LRRC63: variants seen among roughly 807,000 people sequenced by gnomAD.
LRRC63 encodes the protein leucine rich repeat containing 63.
Under a neutral mutation model 49.5 loss-of-function variants are expected in LRRC63, and 40 were observed. The ratio of observed to expected loss-of-function variants is 0.81; its 90% confidence interval spans 0.63 to 1.05. The LOEUF (loss-of-function observed/expected upper bound fraction) is 1.05, where lower values mean the gene tolerates loss of function less well. Among genes scored for constraint, LRRC63 ranks in the 50% least tolerant of loss-of-function variants. LRRC63 has a pLI of 0.00. For synonymous variants in LRRC63, 191 were observed against 221.1 expected (o/e 0.86, Z 1.21); for missense variants, 636 against 663.1 (o/e 0.96, Z 0.45).
At chr13:46,236,952 A>T (rs1388820688) in intron 5 of LRRC63, among the ~76,000 whole-genome samples, 1 of 152,188 alleles carries the variant, frequency 6.6e-6, no homozygotes, top group African/African-American at 2.4e-5. Context: ...TTTGTGTGCC[A>T]TTGGAGTTAA....
chr13:46,266,945 C>A, exon 9 of LRRC63: 1 of 1,542,426 alleles, frequency 6.5e-7, no homozygotes. Context: ...GATAAGATCC[C>A]AGTAGAAGTT....
chr13:46,228,966 G>A (rs2046661928), intron 4 of LRRC63, among the ~76,000 whole-genome samples: 1 of 152,108 alleles, frequency 6.6e-6, no homozygotes, highest in African/African-American at 2.4e-5. Flanking sequence ...CTCGTAATCT[G>A]GGTGGGGTGG....
intron 4 of LRRC63, among the ~76,000 whole-genome samples, chr13:46,232,722 A>T (rs985402760): frequency 7.2e-5 from 11 of 152,180 alleles, no homozygotes; most frequent in African/African-American, 2.2e-4. Context: ...CATTAAATTT[A>T]AAAAATTACA....
intron 5 of LRRC63, among the ~76,000 whole-genome samples, chr13:46,246,141 T>TC (rs1307193706): frequency 6.6e-6 from 1 of 152,012 alleles, no homozygotes; most frequent in East Asian, 1.9e-4. Flanking sequence ...TAAGACCGCT[T>TC]CCCCCTTCAC....
intron 5 of LRRC63, among the ~76,000 whole-genome samples, chr13:46,244,249 G>T (rs1213227956): frequency 5.9e-5 from 9 of 152,050 alleles, no homozygotes. Context: ...TATATCTATT[G>T]TAAGGTTCTT....
intron 5 of LRRC63, 143 bp downstream of exon 5, chr13:46,234,492 G>A (rs1230450): frequency 0.3 from 217,848 of 736,554 alleles, 35,414 homozygotes; most frequent in African/African-American, 0.44. Flanking sequence ...CATTCAAATT[G>A]CATCTCTAAA....
chr13:46,255,645 A>AAAAAAAAAAAAAATATATATAT (rs1555328641), intron 7 of LRRC63, among the ~76,000 whole-genome samples: 19 of 129,456 alleles, frequency 1.5e-4, no homozygotes, highest in African/African-American at 4.9e-4. Flanking sequence ...CCCTGCCTCA[A>AAAAAAAAAAAAAATATATATAT]ATATATATAT....
chr13:46,220,480 A>G (rs537877497), intron 2 of LRRC63, among the ~76,000 whole-genome samples: 77 of 152,182 alleles, frequency 5.1e-4, no homozygotes, highest in African/African-American at 1.9e-3. Context: ...TCCCAGGTCG[A>G]CTTCAGACTG....
At chr13:46,238,143 G>C (rs1054125668) in intron 5 of LRRC63, among the ~76,000 whole-genome samples, 1 of 152,194 alleles carries the variant, frequency 6.6e-6, no homozygotes. Flanking sequence ...GGAGCAGCCA[G>C]ATTCATAAAG....
At chr13:46,216,958 C>T (rs530643178) in intron 2 of LRRC63, among the ~76,000 whole-genome samples, 3 of 152,188 alleles carry the variant, frequency 2.0e-5, no homozygotes, top group South Asian at 2.1e-4. Context: ...GGGATGAAGC[C>T]GACTTGATTG....
intron 4 of LRRC63, among the ~76,000 whole-genome samples, chr13:46,233,847 C>A (rs77705896): frequency 0.051 from 7,803 of 152,222 alleles, 408 homozygotes; most frequent in African/African-American, 0.14. Context: ...CCAAGAAGTT[C>A]TTTATGTAAT....
intron 9 of LRRC63, among the ~76,000 whole-genome samples, chr13:46,269,897 C>T (rs1034033853): frequency 8.7e-6 from 1 of 115,432 alleles, no homozygotes; most frequent in African/African-American, 2.9e-5. Context: ...ATATAGTAGA[C>T]ACTATATACA....
chr13:46,264,716 C>T (rs1278598977), intron 8 of LRRC63, among the ~76,000 whole-genome samples: 2 of 150,098 alleles, frequency 1.3e-5, no homozygotes, highest in Non-Finnish European at 2.9e-5. Context: ...CTTCTGGCCA[C>T]TCTTTCTTCC....
At chr13:46,270,754 C>G (rs1225383805) in intron 9 of LRRC63, 3 of 494,288 alleles carry the variant, frequency 6.1e-6, no homozygotes, top group East Asian at 8.1e-5. Context: ...TGGTGCTTCA[C>G]TTACCTTCGT....
chr13:46,248,753 A>AT (rs1594072266), intron 6 of LRRC63, among the ~76,000 whole-genome samples: 1 of 151,938 alleles, frequency 6.6e-6, no homozygotes, highest in East Asian at 1.9e-4. Context: ...AAATAGAAGA[A>AT]TTGAACAACA....
At chr13:46,256,223 G>A (rs1006417357) in intron 7 of LRRC63, among the ~76,000 whole-genome samples, 1 of 152,192 alleles carries the variant, frequency 6.6e-6, no homozygotes, top group African/African-American at 2.4e-5. Flanking sequence ...TAGAAATGTT[G>A]CCAGAGTGTA....
chr13:46,257,521 G>A (rs959156744), intron 7 of LRRC63, among the ~76,000 whole-genome samples: 3 of 152,080 alleles, frequency 2.0e-5, no homozygotes, highest in Non-Finnish European at 4.4e-5. Flanking sequence ...GTCAATATAT[G>A]TAATAAATAA....
intron 9 of LRRC63, among the ~76,000 whole-genome samples, chr13:46,271,739 T>TC (rs1283840418): frequency 1.4e-5 from 2 of 140,248 alleles, no homozygotes; most frequent in Admixed American, 1.4e-4. Context: ...AAAAAAAAAC[T>TC]CCAACAACTA....
At chr13:46,255,205 C>A (rs1312838589) in intron 7 of LRRC63, among the ~76,000 whole-genome samples, 2 of 151,840 alleles carry the variant, frequency 1.3e-5, no homozygotes, top group Non-Finnish European at 2.9e-5. Flanking sequence ...TATAAGGTAC[C>A]TAGAATAGAC....
Sources: gnomAD v4.1 joint callset for allele counts (sites outside exome capture counted in the v4.1 genomes callset) on GRCh38, gnomAD v4.1.1 for gene constraint, MANE v1.5 for transcripts, NCBI Gene and HGNC (gene_info 2026-07-23, HGNC 2026-07-21) for gene names.